Variants in NAV2 observed in about 807,000 individuals in gnomAD.
NAV2 encodes the protein neuron navigator 2, also known as helicase, APC down-regulated 1.
Under a neutral mutation model 223.2 loss-of-function variants are expected in NAV2, and 54 were observed. That is an observed-to-expected ratio of 0.24 (90% confidence interval 0.19 to 0.30). The LOEUF is 0.30. NAV2 is among the 10% of genes least tolerant of loss of function. The pLI is 1.00. For missense variants in NAV2, 2,806 were observed against 3,147.5 expected (o/e 0.89, Z 2.60); for synonymous variants, 1,279 against 1,239.3 (o/e 1.03, Z -0.67).
chr11:20,087,406 T>A (rs1051815116), intron 26 of NAV2, among the ~76,000 whole-genome samples: 2 of 152,164 alleles, frequency 1.3e-5, no homozygotes, highest in African/African-American at 4.8e-5. Context: ...AATGCTTGTT[T>A]CCAACCTCGA....
intron 36 of NAV2, among the ~76,000 whole-genome samples, chr11:20,112,812 G>A (rs1285442821): frequency 1.3e-5 from 2 of 152,236 alleles, no homozygotes; most frequent in African/African-American, 4.8e-5. Context: ...TCTGGTAAAT[G>A]AGGGGGTGGG....
At chr11:19,515,953 GA>G (rs757581989) in intron 1 of NAV2, among the ~76,000 whole-genome samples, 1 of 151,314 alleles carries the variant, frequency 6.6e-6, no homozygotes, top group Non-Finnish European at 1.5e-5. Context: ...ACTGAGATGG[GA>G]AAGGCTGCAT....
chr11:20,045,547 A>G lies in NAV2; in HGVS notation c.3779A>G (p.Glu1260Gly), dbSNP rs910524953. The G allele has an allele frequency of 5.6e-6, 9 of 1,614,042 alleles. No homozygotes were observed. The highest frequency in any genetic ancestry group is 2.7e-5 in the African/African-American group (2 of 74,922). ...DKEKGISSDNESVASCNSVKV... is the reference protein window; with the variant it reads ...DKEKGISSDNGSVASCNSVKV... ...GAGAAAGGCATCTCATCAGACAACG[A>G]GAGTGTGGCTTCCTGTAACTCGGTG... Residue 1260 changes from glutamate (E) to glycine (G), a missense_variant, in exon 14 of 38, where the codon GAG becomes GGG. Around this residue, in one of 4 missense-constraint regions of NAV2, gnomAD observed 742 missense variants for 777.9 expected, o/e 0.95. Coordinates refer to ENST00000349880, the MANE Select transcript of NAV2 (RefSeq NM_145117.5).
chr11:19,678,057 A>C (rs577144099), intron 1 of NAV2, among the ~76,000 whole-genome samples: 9 of 152,280 alleles, frequency 5.9e-5, no homozygotes, highest in African/African-American at 2.2e-4. Flanking sequence ...ACCCCTCTCC[A>C]GAGGGAGAGG....
intron 11 of NAV2, among the ~76,000 whole-genome samples, chr11:19,985,553 T>G (rs2050712321): frequency 1.3e-5 from 2 of 149,992 alleles, no homozygotes; most frequent in Non-Finnish European, 2.9e-5. Context: ...AAAAAAAGTT[T>G]TTTTTGTTTT....
intron 1 of NAV2, among the ~76,000 whole-genome samples, chr11:19,496,036 G>A (rs1275994794): frequency 6.6e-6 from 1 of 152,162 alleles, no homozygotes; most frequent in African/African-American, 2.4e-5. Context: ...AAGAGTGCAG[G>A]AGGCTTCCAG....
chr11:19,758,805 G>A (rs2054470792), intron 1 of NAV2, among the ~76,000 whole-genome samples: 1 of 152,162 alleles, frequency 6.6e-6, no homozygotes, highest in African/African-American at 2.4e-5. Flanking sequence ...GCTGGCAATC[G>A]CCTTGTGACT....
At chr11:19,666,650 C>A (rs1194811558) in intron 1 of NAV2, among the ~76,000 whole-genome samples, 4 of 152,132 alleles carry the variant, frequency 2.6e-5, no homozygotes, top group Non-Finnish European at 5.9e-5. Flanking sequence ...TCTGTCTTTG[C>A]CTCCTCCTTA....
intron 37 of NAV2, among the ~76,000 whole-genome samples, chr11:20,117,923 G>A (rs2063262026): frequency 6.6e-6 from 1 of 152,188 alleles, no homozygotes. Context: ...AAGAGGTTAA[G>A]TAATGTGTTC....
chr11:20,117,124 C>T (rs2249878), intron 37 of NAV2, among the ~76,000 whole-genome samples: 23,410 of 152,102 alleles, frequency 0.15, 2,360 homozygotes, highest in East Asian at 0.38. Flanking sequence ...CATCTTGGCC[C>T]TAGCTCAGAG....
intron 2 of NAV2, among the ~76,000 whole-genome samples, chr11:19,838,347 G>A (rs762554956): frequency 1.3e-5 from 2 of 151,936 alleles, no homozygotes; most frequent in Non-Finnish European, 2.9e-5. Flanking sequence ...ATCACAGAAA[G>A]GTTCCTCAAG....
chr11:19,466,222 T>C (rs994904815), intron 1 of NAV2, among the ~76,000 whole-genome samples: 2 of 152,132 alleles, frequency 1.3e-5, no homozygotes, highest in African/African-American at 4.8e-5. Flanking sequence ...AGGGAATGGG[T>C]TGGATATTTC....
In NAV2 at chr11:19,635,222, G is replaced by C. The variant is rs1383176190; in HGVS notation, c.76-197262G>C. On this transcript the variant is annotated intron_variant, in intron 1 of 37. Coordinates refer to the NAV2 transcript ENST00000360655. ...CTGGTAGGCAAGACCAGAGTGTACA[G>C]GCGATATATGCCAAGCTAGGGAGTT... Among the ~76,000 whole-genome samples the C allele has an allele frequency of 2.6e-5, 4 of 152,340 alleles. No homozygotes were observed. The East Asian group carries it at 7.7e-4, about 29-fold the overall frequency.
At chr11:19,985,559 G>T (rs1211340277) in intron 11 of NAV2, among the ~76,000 whole-genome samples, 4 of 125,458 alleles carry the variant, frequency 3.2e-5, no homozygotes, top group African/African-American at 1.0e-4. Flanking sequence ...AGTTTTTTTT[G>T]TTTTTTTGTT....
chr11:20,105,045 T>G (rs181699258), intron 34 of NAV2: 33 of 153,758 alleles, frequency 2.1e-4, no homozygotes, highest in Middle Eastern at 3.4e-3. Flanking sequence ...TCCCTTAGGC[T>G]TCATCATATT....
chr11:19,379,316 G>A (rs1418099839), intron 1 of NAV2, among the ~76,000 whole-genome samples: 8 of 152,176 alleles, frequency 5.3e-5, no homozygotes, highest in Admixed American at 5.2e-4. Context: ...AGGGGTCAGA[G>A]AGAGAACTAT....
intron 1 of NAV2, among the ~76,000 whole-genome samples, chr11:19,536,599 T>G (rs1344173837): frequency 6.6e-6 from 1 of 152,250 alleles, no homozygotes; most frequent in African/African-American, 2.4e-5. Flanking sequence ...CAGCACTTAC[T>G]ACTAATGCTT....
intron 1 of NAV2, among the ~76,000 whole-genome samples, chr11:19,458,404 C>T (rs1852035185): frequency 6.6e-6 from 1 of 152,230 alleles, no homozygotes; most frequent in Non-Finnish European, 1.5e-5. Context: ...CTTCCTGTGC[C>T]TAAGCCACAC....
intron 1 of NAV2, among the ~76,000 whole-genome samples, chr11:19,570,484 T>G (rs979528636): frequency 2.0e-5 from 3 of 152,228 alleles, no homozygotes; most frequent in African/African-American, 7.2e-5. Context: ...AAAACTTTTC[T>G]ACACCAAATG....
Sources: allele counts gnomAD v4.1 joint callset (sites outside exome capture counted in the v4.1 genomes callset), GRCh38; gene constraint gnomAD v4.1.1; regional missense constraint gnomAD v4.1.1; transcripts MANE v1.5; gene names NCBI Gene and HGNC (gene_info 2026-07-23, HGNC 2026-07-21).